RABEP1: variants seen among roughly 807,000 people sequenced by gnomAD.
The protein encoded by RABEP1 is rab GTPase-binding effector protein 1.
In RABEP1, 51 loss-of-function variants were observed where a neutral mutation model predicts 123.4. The ratio of observed to expected loss-of-function variants is 0.41; its 90% CI spans 0.33 to 0.52. The LOEUF is 0.52. Among genes scored for constraint, RABEP1 ranks in the 20% least tolerant of loss-of-function variants. The pLI is 0.16. For missense variants in RABEP1, 888 were observed against 996.3 expected (o/e 0.89, Z 1.46); for synonymous variants, 347 against 355.2 (o/e 0.98, Z 0.26).
At chr17:5,316,945 C>T (rs774729280) in intron 2 of RABEP1, among the ~76,000 whole-genome samples, 7 of 151,702 alleles carry the variant, frequency 4.6e-5, no homozygotes, top group Non-Finnish European at 1.0e-4. Context: ...TGCTCTGTCA[C>T]CCAGGCTGGC....
At chr17:5,354,912 G>A (rs1908887379) in intron 8 of RABEP1, among the ~76,000 whole-genome samples, 1 of 152,078 alleles carries the variant, frequency 6.6e-6, no homozygotes, top group Admixed American at 6.5e-5. Flanking sequence ...CATCCCTGAC[G>A]GCCATGGGTG....
chr17:5,325,658 T>G (rs576174826), intron 2 of RABEP1, among the ~76,000 whole-genome samples: 1 of 151,420 alleles, frequency 6.6e-6, no homozygotes, highest in Non-Finnish European at 1.5e-5. Flanking sequence ...GATTTCAAAA[T>G]AGAAGAATTC....
At chr17:5,308,219 T>G (rs988272911) in intron 1 of RABEP1, among the ~76,000 whole-genome samples, 8 of 140,554 alleles carry the variant, frequency 5.7e-5, no homozygotes, top group Non-Finnish European at 9.2e-5. Flanking sequence ...TTAAGTCTAA[T>G]ACAAGGATCT....
At chr17:5,304,577 T>C (rs1349274358) in intron 1 of RABEP1, among the ~76,000 whole-genome samples, 2 of 151,586 alleles carry the variant, frequency 1.3e-5, no homozygotes, top group East Asian at 3.9e-4. Flanking sequence ...GCAACAACTC[T>C]GTCTCAAGGA....
At position 5,338,013 on chromosome 17, in the gene RABEP1, C is replaced by T; in HGVS notation, c.529-6C>T. ...AGTCGTAGCATTTAATTCTTTTTAA[C>T]CATAGGCCCAAGAGGATGCTGAGAA... On this transcript the variant is annotated splice_region_variant and splice_polypyrimidine_tract_variant and intron_variant, in intron 4 of 17. Transcript: ENST00000537505. The T allele has an allele frequency of 3.7e-6, 6 of 1,604,492 alleles. No homozygotes were observed. The highest frequency in any genetic ancestry group is 1.1e-5 in the South Asian group (1 of 88,994).
chr17:5,350,280 T>C (rs1218091065), intron 6 of RABEP1, among the ~76,000 whole-genome samples, 171 bp from the exon 7 acceptor site: 1 of 151,776 alleles, frequency 6.6e-6, no homozygotes, highest in Non-Finnish European at 1.5e-5. Flanking sequence ...CTCCGGAGGC[T>C]GAGGCAGGAG....
chr17:5,353,135 T>C (rs897991199), intron 7 of RABEP1, among the ~76,000 whole-genome samples: 1 of 152,202 alleles, frequency 6.6e-6, no homozygotes, highest in African/African-American at 2.4e-5. Flanking sequence ...TTACTTCTCA[T>C]GTGCCTGCCC....
chr17:5,359,390 A>G (rs1439892762), intron 8 of RABEP1, among the ~76,000 whole-genome samples: 1 of 151,946 alleles, frequency 6.6e-6, no homozygotes, highest in Non-Finnish European at 1.5e-5. Flanking sequence ...ATGTTTTTCA[A>G]ATGGCCCTCA....
intron 3 of RABEP1, 58 bp from the exon 4 acceptor site, chr17:5,335,126 G>C (rs1214299155): frequency 1.4e-6 from 2 of 1,432,408 alleles, no homozygotes; most frequent in African/African-American, 2.9e-5. Context: ...AATTTAGTGT[G>C]CCAGGTTATT....
At chr17:5,356,323 T>G (rs976432107) in intron 8 of RABEP1, among the ~76,000 whole-genome samples, 2 of 152,172 alleles carry the variant, frequency 1.3e-5, no homozygotes, top group Admixed American at 1.3e-4. Context: ...GCTACTGCAC[T>G]CCAGCCTGGA....
At chr17:5,345,833 C>T (rs1246865921) in intron 5 of RABEP1, among the ~76,000 whole-genome samples, 1 of 151,998 alleles carries the variant, frequency 6.6e-6, no homozygotes, top group East Asian at 1.9e-4. Flanking sequence ...TGAAAAGGAC[C>T]TTGAATGTGA....
At chr17:5,347,280 C>T (rs1018201908) in intron 6 of RABEP1, among the ~76,000 whole-genome samples, 7 of 152,108 alleles carry the variant, frequency 4.6e-5, no homozygotes, top group African/African-American at 9.7e-5. Flanking sequence ...TGTGGTGATG[C>T]GCACCTGTTA....
At chr17:5,328,474 C>T (rs1385785927) in intron 2 of RABEP1, among the ~76,000 whole-genome samples, 1 of 150,994 alleles carries the variant, frequency 6.6e-6, no homozygotes, top group Non-Finnish European at 1.5e-5. Context: ...ACAAAACTCC[C>T]TCTCTACAAA....
chr17:5,367,812 G>GT (rs1331570743), intron 11 of RABEP1, among the ~76,000 whole-genome samples: 2 of 149,790 alleles, frequency 1.3e-5, no homozygotes, highest in Non-Finnish European at 1.5e-5. Flanking sequence ...CTAGAGTACA[G>GT]GGTGCGTTCT....
At chr17:5,292,775 G>A (rs899612328) in intron 1 of RABEP1, among the ~76,000 whole-genome samples, 1 of 152,054 alleles carries the variant, frequency 6.6e-6, no homozygotes, top group South Asian at 2.1e-4. Flanking sequence ...TCTGCTTTCC[G>A]GGCTCAGGTG....
chr17:5,316,264 A>G (rs1466499898), intron 2 of RABEP1, among the ~76,000 whole-genome samples: 1 of 151,728 alleles, frequency 6.6e-6, no homozygotes, highest in African/African-American at 2.4e-5. Context: ...CAGCCTGGGA[A>G]ACATGGTGAA....
intron 2 of RABEP1, among the ~76,000 whole-genome samples, chr17:5,311,994 A>G (rs2075248025): frequency 6.6e-6 from 1 of 152,226 alleles, no homozygotes; most frequent in Non-Finnish European, 1.5e-5. Context: ...TAAATTACAT[A>G]GTTCTTTAGC....
At chr17:5,328,645 TA>T (rs60062792) in intron 2 of RABEP1, among the ~76,000 whole-genome samples, 11,054 of 54,082 alleles carry the variant, frequency 0.2, 1,031 homozygotes, top group East Asian at 0.27. Context: ...GACGCTGTGT[TA>T]AAAAAAAAAA....
At chr17:5,379,916 G>A (rs184627424) in intron 15 of RABEP1, among the ~76,000 whole-genome samples, 1 of 152,268 alleles carries the variant, frequency 6.6e-6, no homozygotes, top group East Asian at 1.9e-4. Flanking sequence ...GTGCTGTGCT[G>A]TAGGCCAGCC....
Sources: gnomAD v4.1 joint callset for allele counts (sites outside exome capture counted in the v4.1 genomes callset) on GRCh38, gnomAD v4.1.1 for gene constraint, MANE v1.5 for transcripts, NCBI Gene and HGNC (gene_info 2026-07-23, HGNC 2026-07-21) for gene names.